The following CALN1 variants were observed in gnomAD, a reference collection of about 807,000 sequenced individuals.
CALN1 encodes calneuron 1.
A neutral mutation model predicts 30.6 loss-of-function variants in CALN1; 17 were observed. That is an observed-to-expected ratio of 0.56 (90% CI 0.38 to 0.83). The LOEUF (loss-of-function observed/expected upper bound fraction) is 0.83, where lower values mean the gene tolerates loss of function less well. Among genes scored for constraint, CALN1 ranks in the 40% least tolerant of loss-of-function variants. CALN1 has a pLI of 0.00. For synonymous variants in CALN1, 156 were observed against 131.4 expected (o/e 1.19, Z -1.28); for missense variants, 291 against 354.9 (o/e 0.82, Z 1.45).
intron 4 of CALN1, among the ~76,000 whole-genome samples, chr7:72,044,599 C>CTTTTTT (rs549079139): frequency 1.2e-4 from 12 of 96,692 alleles, no homozygotes; most frequent in African/African-American, 2.9e-4. Flanking sequence ...CCGCTTAAAA[C>CTTTTTT]TTTTTTTTTT....
chr7:72,135,029 C>G (rs1809408537), intron 3 of CALN1, among the ~76,000 whole-genome samples: 2 of 152,198 alleles, frequency 1.3e-5, no homozygotes, highest in Non-Finnish European at 2.9e-5. Context: ...CCATAAGAAG[C>G]AACTCCGCAT....
At chr7:72,071,215 C>A (rs774922086) in intron 4 of CALN1, among the ~76,000 whole-genome samples, 2 of 152,130 alleles carry the variant, frequency 1.3e-5, no homozygotes, top group Non-Finnish European at 2.9e-5. Context: ...TGCATGCAGC[C>A]AGCAGGAATC....
At chr7:72,364,649 A>G (rs1803773878) in intron 2 of CALN1, among the ~76,000 whole-genome samples, 1 of 152,230 alleles carries the variant, frequency 6.6e-6, no homozygotes, top group Admixed American at 6.5e-5. Context: ...ATCCTCAGGA[A>G]TTCTGAATAT....
At chr7:71,971,961 G>GAAAGAAAGAAAGAAAA (rs1797845954) in intron 5 of CALN1, among the ~76,000 whole-genome samples, 1 of 67,864 alleles carries the variant, frequency 1.5e-5, no homozygotes, top group African/African-American at 6.4e-5. Flanking sequence ...AAAAAAGAAA[G>GAAAGAAAGAAAGAAAA]AAAGAAAGAA....
the CALN1 span, among the ~76,000 whole-genome samples, chr7:72,503,918 A>C: frequency 6.6e-6 from 1 of 152,294 alleles, no homozygotes; most frequent in Admixed American, 6.5e-5. Flanking sequence ...AGGGAATTTC[A>C]CAGAAACGTA....
intron 3 of CALN1, among the ~76,000 whole-genome samples, chr7:72,157,765 AAG>A (rs984900974): frequency 2.0e-5 from 3 of 152,056 alleles, no homozygotes; most frequent in African/African-American, 7.2e-5. Flanking sequence ...TTGTTTTTGA[AAG>A]AGTTTTGCTC....
At chr7:71,892,055 G>A (rs1324447485) in intron 5 of CALN1, among the ~76,000 whole-genome samples, 2 of 152,018 alleles carry the variant, frequency 1.3e-5, no homozygotes, top group Non-Finnish European at 2.9e-5. Flanking sequence ...TGCCTGTCTC[G>A]GTATTCAGAG....
At chr7:72,395,271 G>A (rs183283839) in intron 2 of CALN1, among the ~76,000 whole-genome samples, 6 of 152,196 alleles carry the variant, frequency 3.9e-5, no homozygotes, top group African/African-American at 1.2e-4. Context: ...CTAAGAACTA[G>A]GCATGTCCCC....
At chr7:72,218,106 T>C (rs976467467) in intron 3 of CALN1, among the ~76,000 whole-genome samples, 7 of 151,444 alleles carry the variant, frequency 4.6e-5, no homozygotes, top group South Asian at 2.1e-4. Context: ...CCTCCCAAAG[T>C]GCTGGGATTA....
chr7:71,807,966 C>T (rs1047214397), intron 6 of CALN1, among the ~76,000 whole-genome samples: 4 of 151,956 alleles, frequency 2.6e-5, no homozygotes, highest in Non-Finnish European at 4.4e-5. Context: ...CCCAGCTATT[C>T]GGGAGGCTGA....
intron 4 of CALN1, among the ~76,000 whole-genome samples, chr7:72,078,511 C>G (rs1354277277): frequency 6.6e-6 from 1 of 152,152 alleles, no homozygotes; most frequent in Non-Finnish European, 1.5e-5. Context: ...CATAAACAGA[C>G]AAAAACTGGC....
intron 3 of CALN1, among the ~76,000 whole-genome samples, chr7:72,265,746 C>G (rs1486980307): frequency 2.0e-5 from 3 of 152,064 alleles, no homozygotes; most frequent in African/African-American, 7.2e-5. Context: ...AGATACCACC[C>G]TCTGCTTGCT....
At chr7:71,890,294 C>A (rs1793165219) in intron 5 of CALN1, among the ~76,000 whole-genome samples, 1 of 152,094 alleles carries the variant, frequency 6.6e-6, no homozygotes, top group Non-Finnish European at 1.5e-5. Context: ...GGAACAGAAC[C>A]CAAGACGGGC....
At chr7:71,814,531 T>C (rs1235238647) in intron 5 of CALN1, among the ~76,000 whole-genome samples, 1 of 152,110 alleles carries the variant, frequency 6.6e-6, no homozygotes, top group Non-Finnish European at 1.5e-5. Flanking sequence ...GGGTCTATTA[T>C]TTCCAGCTAT....
chr7:72,431,279 GCCC>G (rs1245329487), intron 1 of CALN1, among the ~76,000 whole-genome samples: 1 of 151,986 alleles, frequency 6.6e-6, no homozygotes. Context: ...GTAGTGGTGG[GCCC>G]TTTTCTTCAG....
Position 72,403,388 on chromosome 7 carries a change from TTC to T in CALN1, c.-21_-20del. 6.5e-7 allele frequency: 1 copy of T among 1,534,962 alleles called. No individual in the cohort carries two copies. ...GCCGCATCGGGGGTCCAGGGCGATG[TTC>T]TCAGAGAGAGTTAGAAGCTCATCAA... On this transcript the variant is annotated 5_prime_UTR_variant, in exon 2 of 7. Transcript: ENST00000395275.
intron 3 of CALN1, among the ~76,000 whole-genome samples, chr7:72,157,845 G>A (rs1787814427): frequency 6.6e-6 from 1 of 152,190 alleles, no homozygotes; most frequent in South Asian, 2.1e-4. Flanking sequence ...CCCCATTCAA[G>A]CGATTCTCTT....
intron 3 of CALN1, among the ~76,000 whole-genome samples, chr7:72,134,348 C>T (rs1809361711): frequency 1.3e-5 from 2 of 152,134 alleles, no homozygotes; most frequent in South Asian, 4.1e-4. Flanking sequence ...GACTGAGACA[C>T]TAAACAAAAC....
chr7:72,158,182 G>A (rs1054773114), intron 3 of CALN1, among the ~76,000 whole-genome samples: 1 of 152,134 alleles, frequency 6.6e-6, no homozygotes, highest in Non-Finnish European at 1.5e-5. Context: ...AAACAGACAA[G>A]GTCTCTTCCG....
Sources: allele counts gnomAD v4.1 joint callset (sites outside exome capture counted in the v4.1 genomes callset), GRCh38; gene constraint gnomAD v4.1.1; transcripts MANE v1.5; gene names NCBI Gene and HGNC (gene_info 2026-07-23, HGNC 2026-07-21).